The following CTNND2 variants were observed in gnomAD, a reference collection of about 807,000 sequenced individuals.
The protein encoded by CTNND2 is catenin delta-2.
CTNND2 carries 22 observed loss-of-function variants against 144.4 expected under a neutral mutation model. The observed-to-expected ratio is 0.15, with a 90% CI of 0.11 to 0.22. The LOEUF (loss-of-function observed/expected upper bound fraction) is 0.22. Ranked by LOEUF, CTNND2 falls within the 10% of genes least tolerant of loss-of-function variation. CTNND2 has a pLI of 1.00. For synonymous variants in CTNND2, 751 were observed against 695.6 expected, an observed-to-expected ratio of 1.08 and a Z score of -1.25; for missense variants, 1,353 against 1,618.8, an observed-to-expected ratio of 0.84 and a Z score of 2.82.
intron 9 of CTNND2, among the ~76,000 whole-genome samples, chr5:11,238,272 C>G (rs1278499330): frequency 2.0e-5 from 3 of 151,974 alleles, no homozygotes; most frequent in Non-Finnish European, 4.4e-5. Context: ...AAACTTGACC[C>G]CACAAGCCAC....
intron 9 of CTNND2, among the ~76,000 whole-genome samples, chr5:11,343,644 G>A (rs149217970): frequency 9.0e-4 from 137 of 152,238 alleles, no homozygotes; most frequent in African/African-American, 3.1e-3. Context: ...ATGTAGGTCC[G>A]CACACTCACC....
At chr5:11,423,696 T>A (rs1762546019) in intron 3 of CTNND2, among the ~76,000 whole-genome samples, 1 of 152,204 alleles carries the variant, frequency 6.6e-6, no homozygotes, top group African/African-American at 2.4e-5. Context: ...AATACACTGA[T>A]GTGCTCATAG....
At chr5:11,680,246 G>T (rs540941058) in intron 2 of CTNND2, among the ~76,000 whole-genome samples, 1 of 152,272 alleles carries the variant, frequency 6.6e-6, no homozygotes, top group African/African-American at 2.4e-5. Flanking sequence ...AGATAACGCA[G>T]GAACACAGAC....
intron 1 of CTNND2, among the ~76,000 whole-genome samples, chr5:11,746,053 C>T (rs1002496157): frequency 2.6e-5 from 4 of 152,144 alleles, no homozygotes; most frequent in Non-Finnish European, 4.4e-5. Context: ...GGATAGAGTT[C>T]GATCTGCTTT....
chr5:11,664,203 T>A (rs1783430167), intron 2 of CTNND2, among the ~76,000 whole-genome samples: 1 of 152,218 alleles, frequency 6.6e-6, no homozygotes, highest in South Asian at 2.1e-4. Flanking sequence ...CATACTATAT[T>A]GTTATCAATA....
chr5:11,175,508 G>A (rs1057193601), intron 11 of CTNND2, among the ~76,000 whole-genome samples: 1 of 152,054 alleles, frequency 6.6e-6, no homozygotes, highest in Non-Finnish European at 1.5e-5. Context: ...CACATGTTAC[G>A]GATATATTTT....
At chr5:11,687,307 G>A (rs573107803) in intron 2 of CTNND2, among the ~76,000 whole-genome samples, 26 of 152,336 alleles carry the variant, frequency 1.7e-4, no homozygotes, top group African/African-American at 3.4e-4. Flanking sequence ...ACAAGGGGCC[G>A]TGATCATTGG....
intron 3 of CTNND2, among the ~76,000 whole-genome samples, chr5:11,563,899 G>C (rs1776867087): frequency 6.6e-6 from 1 of 152,198 alleles, no homozygotes; most frequent in Admixed American, 6.5e-5. Flanking sequence ...AGGTAGCTAA[G>C]AGTCAACCAA....
chr5:11,704,704 G>A (rs1785614452), intron 2 of CTNND2, among the ~76,000 whole-genome samples: 1 of 151,732 alleles, frequency 6.6e-6, no homozygotes, highest in Non-Finnish European at 1.5e-5. Context: ...TCTTCAGCTT[G>A]TTCCTCTGGA....
At chr5:11,531,206 A>G (rs190527478) in intron 3 of CTNND2, among the ~76,000 whole-genome samples, 3 of 152,352 alleles carry the variant, frequency 2.0e-5, no homozygotes. Context: ...GAATAGTACC[A>G]TGAAAATATG....
chr5:11,486,981 T>C (rs1768891524), intron 3 of CTNND2, among the ~76,000 whole-genome samples: 1 of 152,166 alleles, frequency 6.6e-6, no homozygotes, highest in Non-Finnish European at 1.5e-5. Context: ...ATATGTAAAA[T>C]GTCTATTTTA....
intron 9 of CTNND2, among the ~76,000 whole-genome samples, chr5:11,334,771 A>G (rs924965871): frequency 6.6e-6 from 1 of 152,206 alleles, no homozygotes; most frequent in Admixed American, 6.5e-5. Context: ...CAGTTAACAA[A>G]CACATTCCAA....
chr5:11,772,038 A>G (rs1429576190), intron 1 of CTNND2, among the ~76,000 whole-genome samples: 1 of 152,126 alleles, frequency 6.6e-6, no homozygotes, highest in Non-Finnish European at 1.5e-5. Context: ...ATTTTCCCCC[A>G]TATCTTGGCC....
intron 3 of CTNND2, among the ~76,000 whole-genome samples, chr5:11,556,002 A>C (rs1239113057): frequency 4.6e-5 from 7 of 152,218 alleles, no homozygotes. Context: ...ATGACAATTC[A>C]ATAAACTAAT....
At chr5:11,411,454 C>G in intron 5 of CTNND2, 82 bp downstream of exon 5, 1 of 747,630 alleles carries the variant, frequency 1.3e-6, no homozygotes, top group Non-Finnish European at 2.3e-6. Context: ...TGATATGGCT[C>G]ATAACAGTAA....
chr5:11,455,696 T>G (rs901436430), intron 3 of CTNND2, among the ~76,000 whole-genome samples: 2 of 152,262 alleles, frequency 1.3e-5, no homozygotes, highest in Admixed American at 1.3e-4. Context: ...CAAGAAGTGA[T>G]CATACCTCCC....
At chr5:11,835,009 C>T (rs768622322) in intron 1 of CTNND2, among the ~76,000 whole-genome samples, 31 of 152,108 alleles carry the variant, frequency 2.0e-4, no homozygotes, top group African/African-American at 6.5e-4. Context: ...CATGCTGGCA[C>T]GTGTCTGTAG....
intron 13 of CTNND2, 24 bp from the exon 14 acceptor site, chr5:11,111,067 G>C (rs759008688): frequency 6.2e-7 from 1 of 1,604,292 alleles, no homozygotes; most frequent in Admixed American, 1.7e-5. Context: ...GGAAACAGAG[G>C]AAAGAATGAG....
At chr5:11,625,861 A>G (rs1267550111) in intron 2 of CTNND2, among the ~76,000 whole-genome samples, 7 of 152,190 alleles carry the variant, frequency 4.6e-5, no homozygotes, top group Non-Finnish European at 1.0e-4. Context: ...AAAATTGGTC[A>G]GTATTACAAT....
Sources: allele counts gnomAD v4.1 joint callset (sites outside exome capture counted in the v4.1 genomes callset), GRCh38; gene constraint gnomAD v4.1.1; transcripts MANE v1.5; gene names NCBI Gene and HGNC (gene_info 2026-07-23, HGNC 2026-07-21).